Variants in DACH1 observed in about 807,000 individuals in gnomAD.
DACH1 encodes the protein dachshund homolog 1.
In DACH1, 12 loss-of-function variants were observed where a neutral mutation model predicts 54.2. The ratio of observed to expected loss-of-function variants is 0.22; its 90% CI spans 0.14 to 0.36. The LOEUF (loss-of-function observed/expected upper bound fraction) is 0.36, where lower values mean the gene tolerates loss of function less well. Among genes scored for constraint, DACH1 ranks in the 10% least tolerant of loss-of-function variants. The pLI is 1.00. For missense variants in DACH1, 805 were observed against 929.8 expected, an observed-to-expected ratio of 0.87 and a Z score of 1.75; for synonymous variants, 386 against 366.2, an observed-to-expected ratio of 1.05 and a Z score of -0.62.
intron 2 of DACH1, among the ~76,000 whole-genome samples, chr13:71,669,401 T>C (rs751167286): frequency 1.3e-5 from 2 of 152,216 alleles, no homozygotes; most frequent in Non-Finnish European, 2.9e-5. Context: ...ATCTAGGTTG[T>C]ATGTTCCTTA....
chr13:71,782,290 A>C (rs191009), intron 1 of DACH1, among the ~76,000 whole-genome samples: 6,342 of 152,072 alleles, frequency 0.042, 272 homozygotes, highest in African/African-American at 0.11. Flanking sequence ...AAAATACAAA[A>C]AATTAGCTGG....
intron 1 of DACH1, among the ~76,000 whole-genome samples, chr13:71,841,626 C>A (rs1261109624): frequency 6.6e-6 from 1 of 152,130 alleles, no homozygotes; most frequent in Non-Finnish European, 1.5e-5. Context: ...TGGTGGTTGT[C>A]CCACTCAAAC....
intron 3 of DACH1, among the ~76,000 whole-genome samples, chr13:71,585,915 A>G (rs555110319): frequency 1.3e-5 from 2 of 152,222 alleles, no homozygotes; most frequent in Non-Finnish European, 2.9e-5. Context: ...AGAAAAAAAA[A>G]TCTTGTGTTC....
intron 1 of DACH1, among the ~76,000 whole-genome samples, chr13:71,766,432 T>A (rs1215675585): frequency 6.6e-6 from 1 of 152,180 alleles, no homozygotes; most frequent in Non-Finnish European, 1.5e-5. Flanking sequence ...GTAGCCAGGT[T>A]TGAGACCTAC....
chr13:71,776,754 T>C (rs1468713703), intron 1 of DACH1, among the ~76,000 whole-genome samples: 1 of 152,184 alleles, frequency 6.6e-6, no homozygotes, highest in African/African-American at 2.4e-5. Context: ...CTTACCCAGA[T>C]AGAAAAACTA....
chr13:71,618,751 T>TA (rs1875976543), intron 3 of DACH1, among the ~76,000 whole-genome samples: 1 of 151,906 alleles, frequency 6.6e-6, no homozygotes. Context: ...TTGTTGATTT[T>TA]AAAAAATACT....
chr13:71,559,697 T>C (rs561676833), intron 5 of DACH1, 123 bp downstream of exon 5: 1 of 1,253,820 alleles, frequency 8.0e-7, no homozygotes, highest in Non-Finnish European at 1.1e-6. Flanking sequence ...AGATGGCTAT[T>C]GCTACAGAGT....
intron 2 of DACH1, among the ~76,000 whole-genome samples, chr13:71,646,360 A>T (rs1006127451): frequency 6.6e-6 from 1 of 152,056 alleles, no homozygotes; most frequent in Non-Finnish European, 1.5e-5. Flanking sequence ...GAAAAAAAAA[A>T]CAACCCTTCT....
At chr13:71,670,214 G>A (rs528939831) in intron 2 of DACH1, among the ~76,000 whole-genome samples, 2 of 152,184 alleles carry the variant, frequency 1.3e-5, no homozygotes, top group South Asian at 4.1e-4. Flanking sequence ...TTAATGAAGT[G>A]CAAAAACGTT....
At position 71,465,261 on chromosome 13, in the gene DACH1, T is replaced by A. The variant is rs181070053; in HGVS notation, c.2083+9880A>T. Among the ~76,000 whole-genome samples the A allele has an allele frequency of 4.5e-3, 679 of 152,244 alleles. 4 individuals are homozygous for A. Among genetic ancestry groups the A allele is most frequent in the Non-Finnish European group, 7.6e-3 (516 of 67,944 alleles). On this transcript the variant is annotated intron_variant, in intron 10 of 10. Coordinates refer to ENST00000613252, the MANE Select transcript of DACH1 (RefSeq NM_080759.6). ...CCATAACCATGCATTTGTATACCAA[T>A]TTTTTATTTTGCTCATACAAATCTG...
At chr13:71,532,995 T>C (rs372351005) in intron 6 of DACH1, among the ~76,000 whole-genome samples, 77 of 152,026 alleles carry the variant, frequency 5.1e-4, no homozygotes, top group African/African-American at 1.7e-3. Context: ...ATGTAGGAGA[T>C]ATTTTTATCT....
At chr13:71,769,821 T>C (rs1365584421) in intron 1 of DACH1, among the ~76,000 whole-genome samples, 1 of 151,644 alleles carries the variant, frequency 6.6e-6, no homozygotes, top group East Asian at 1.9e-4. Flanking sequence ...ATTAGTAATA[T>C]GTGACATGAT....
chr13:71,755,030 A>G (rs1387824136), intron 1 of DACH1, among the ~76,000 whole-genome samples: 1 of 152,130 alleles, frequency 6.6e-6, no homozygotes, highest in African/African-American at 2.4e-5. Flanking sequence ...AAAAATCATT[A>G]ACTTTGTCTA....
At chr13:71,496,630 T>C (rs1879467416) in intron 6 of DACH1, among the ~76,000 whole-genome samples, 1 of 151,986 alleles carries the variant, frequency 6.6e-6, no homozygotes, top group African/African-American at 2.4e-5. Context: ...TTTCAGGTAA[T>C]GGATATCCAA....
At chr13:71,685,984 G>GA (rs1594096283) in intron 1 of DACH1, among the ~76,000 whole-genome samples, 1 of 152,172 alleles carries the variant, frequency 6.6e-6, no homozygotes, top group African/African-American at 2.4e-5. Context: ...GCGAAACAAT[G>GA]AAAAAAGCAT....
rs542251930 is a variant in DACH1 at position 71,704,446 on chromosome 13, C to T, written c.849-22536G>A. On this transcript the variant is annotated intron_variant, in intron 1 of 10. Transcript: ENST00000613252. ...GCTTCTTGCAAAGAGAATTAATGTG[C>T]GTACTGAGTATATGAAGAACTCTAA... 10 of 375,780 alleles carry T rather than the reference C, an allele frequency of 2.7e-5. No homozygotes were observed. The East Asian group carries it at 5.6e-4, about 21-fold the overall frequency. The allele number at this position is 375,780 out of a possible 1,614,324, so 23.3% of individuals were successfully genotyped here. A position where few individuals can be genotyped will look rare whatever the true frequency, so the allele number is the denominator to read the frequency against.
intron 6 of DACH1, among the ~76,000 whole-genome samples, chr13:71,546,690 A>C (rs1883488497): frequency 6.6e-6 from 1 of 152,032 alleles, no homozygotes; most frequent in African/African-American, 2.4e-5. Context: ...TAAGAAGGAA[A>C]AAATATCATT....
At chr13:71,490,573 T>G (rs1878894741) in intron 6 of DACH1, among the ~76,000 whole-genome samples, 1 of 152,144 alleles carries the variant, frequency 6.6e-6, no homozygotes, top group Admixed American at 6.5e-5. Flanking sequence ...AGAAACAGAG[T>G]AAGCAAACTA....
intron 1 of DACH1, among the ~76,000 whole-genome samples, chr13:71,761,383 A>C (rs540029672): frequency 2.9e-4 from 44 of 152,320 alleles, no homozygotes; most frequent in Admixed American, 9.8e-4. Flanking sequence ...CATGTTATGC[A>C]ATAAGACAAA....
Sources: gnomAD v4.1 joint callset for allele counts (sites outside exome capture counted in the v4.1 genomes callset) on GRCh38, gnomAD v4.1.1 for gene constraint, MANE v1.5 for transcripts, NCBI Gene and HGNC (gene_info 2026-07-23, HGNC 2026-07-21) for gene names.